PIEZO2: variants seen among roughly 807,000 people sequenced by gnomAD.
PIEZO2 encodes piezo-type mechanosensitive ion channel component 2.
A neutral mutation model predicts 337.3 loss-of-function variants in PIEZO2; 172 were observed. The observed-to-expected ratio is 0.51, with a 90% CI of 0.45 to 0.58. The LOEUF (loss-of-function observed/expected upper bound fraction) is 0.58. Ranked by LOEUF, PIEZO2 falls within the 20% of genes least tolerant of loss-of-function variation. The pLI, the probability that PIEZO2 is intolerant of heterozygous loss-of-function variation, is 0.00. For missense variants in PIEZO2, 3,028 were observed against 3,391.3 expected, an observed-to-expected ratio of 0.89 and a Z score of 2.66; for synonymous variants, 1,251 against 1,228.5, an observed-to-expected ratio of 1.02 and a Z score of -0.38.
Position 10,726,268 on chromosome 18 carries a change from CATGAG to C in PIEZO2, c.5029+5134_5029+5138del. 1 of 817,780 alleles carries C rather than the reference CATGAG, an allele frequency of 1.2e-6. No homozygotes were observed. Among genetic ancestry groups the C allele is most frequent in the Non-Finnish European group, 2.0e-6 (1 of 497,148 alleles). 50.7% of individuals were successfully genotyped at this position (817,780 alleles called of 1,614,324 possible). On this transcript the variant is annotated intron_variant, in intron 36 of 55. Coordinates refer to ENST00000674853, the MANE Select transcript of PIEZO2 (RefSeq NM_001378183.1). This position sits in a 1 kb window ranked among gnomAD's most constrained non-coding sequence, Gnocchi z 5.9. ...TTGTGTGCGAGCCTGTGTTCGGGAG[CATGAG>C]AATGGAAGCGTCGCGGCCAGAGCCC...
At chr18:10,765,108 C>G (rs542569267) in intron 21 of PIEZO2, among the ~76,000 whole-genome samples, 87 of 152,332 alleles carry the variant, frequency 5.7e-4, no homozygotes, top group Non-Finnish European at 1.0e-3. Flanking sequence ...GGTGACACAT[C>G]CCCTGAGGAT....
At chr18:10,838,663 T>C (rs911663881) in intron 7 of PIEZO2, among the ~76,000 whole-genome samples, 1 of 152,228 alleles carries the variant, frequency 6.6e-6, no homozygotes, top group African/African-American at 2.4e-5. Context: ...ATCACAGGCA[T>C]TCTTTCTCTG....
chr18:11,117,283 T>G (rs2039919508), intron 1 of PIEZO2, among the ~76,000 whole-genome samples: 1 of 152,206 alleles, frequency 6.6e-6, no homozygotes, highest in African/African-American at 2.4e-5. Context: ...GTACAATTAT[T>G]ATGTATCAAT....
At chr18:11,036,993 C>T (rs961898843) in intron 2 of PIEZO2, among the ~76,000 whole-genome samples, 5 of 151,918 alleles carry the variant, frequency 3.3e-5, no homozygotes, top group African/African-American at 2.4e-5. Flanking sequence ...TGTGACAGAG[C>T]GAGACTCTGT....
At chr18:10,737,359 AAC>A (rs1423059364) in intron 33 of PIEZO2, among the ~76,000 whole-genome samples, 1 of 152,076 alleles carries the variant, frequency 6.6e-6, no homozygotes, top group East Asian at 1.9e-4. Context: ...AAAACAACAC[AAC>A]ACAACAACAA....
At chr18:11,073,323 C>T (rs1471629653) in intron 1 of PIEZO2, among the ~76,000 whole-genome samples, 1 of 152,162 alleles carries the variant, frequency 6.6e-6, no homozygotes, top group African/African-American at 2.4e-5. Context: ...GAACAGAATA[C>T]AGTAAAAGTA....
At chr18:10,765,355 G>T (rs953241176) in intron 21 of PIEZO2, among the ~76,000 whole-genome samples, 3 of 152,174 alleles carry the variant, frequency 2.0e-5, no homozygotes, top group Non-Finnish European at 4.4e-5. Context: ...AACCCATCCA[G>T]CGTCTTAGAG....
intron 4 of PIEZO2, among the ~76,000 whole-genome samples, chr18:10,898,911 C>T (rs930141635): frequency 6.6e-6 from 1 of 152,176 alleles, no homozygotes; most frequent in African/African-American, 2.4e-5. Context: ...ATTAAGTAAA[C>T]ATACGAAGCC....
At chr18:10,720,329 T>A (rs1463843879) in intron 36 of PIEZO2, among the ~76,000 whole-genome samples, 11 of 134,756 alleles carry the variant, frequency 8.2e-5, no homozygotes, top group East Asian at 2.1e-4. Flanking sequence ...ATATATATAA[T>A]ATATATATCT....
intron 4 of PIEZO2, 92 bp from the exon 5 acceptor site, chr18:10,871,507 G>T (rs1192932403): frequency 9.9e-6 from 12 of 1,214,190 alleles, no homozygotes; most frequent in Non-Finnish European, 1.3e-5. Context: ...TCTTCTTAAT[G>T]ATTTAAAATA....
intron 14 of PIEZO2, among the ~76,000 whole-genome samples, chr18:10,790,040 A>G (rs2039356844): frequency 1.3e-5 from 2 of 152,224 alleles, no homozygotes; most frequent in Admixed American, 6.5e-5. Context: ...AACAACTAGT[A>G]GATTCACAGT....
In PIEZO2 at chr18:10,857,222, G is replaced by A; in HGVS notation, c.493-11C>T. The A allele has an allele frequency of 6.5e-7, 1 of 1,536,372 alleles. No homozygotes were observed. Among genetic ancestry groups the A allele is most frequent in the Non-Finnish European group, 8.7e-7 (1 of 1,146,116 alleles). On this transcript the variant is annotated splice_polypyrimidine_tract_variant and intron_variant, in intron 5 of 55. Transcript: ENST00000674853. ...TTTTTCTCCTTCAGCCTAAATAAATGACAAACAGGAAACACTCAAGTCCAG... is the reference window on the plus strand; with the variant it reads ...TTTTTCTCCTTCAGCCTAAATAAATAACAAACAGGAAACACTCAAGTCCAG...
In PIEZO2 at chr18:11,133,633, C is replaced by G. The variant is rs368916115; in HGVS notation, c.64+14892G>C. ...GGAGAGATGGGCCTAACTTCCCAGT[C>G]TATATCTTTGTCCTGTGCTGGATCC... On this transcript the variant is annotated intron_variant, in intron 1 of 55. Coordinates refer to ENST00000674853, the MANE Select transcript of PIEZO2 (RefSeq NM_001378183.1). Among the ~76,000 whole-genome samples, 6 of 152,114 alleles carry G rather than the reference C, an allele frequency of 3.9e-5. No individual in the cohort carries two copies. In the East Asian group the frequency reaches 7.7e-4, roughly 20 times the overall value.
At chr18:10,778,684 G>A (rs1275304502) in intron 18 of PIEZO2, among the ~76,000 whole-genome samples, 2 of 152,202 alleles carry the variant, frequency 1.3e-5, no homozygotes, top group Non-Finnish European at 2.9e-5. Flanking sequence ...GATTTCACTG[G>A]AAAGAAGGTA....
At chr18:10,787,618 C>T (rs2039269414) in intron 15 of PIEZO2, among the ~76,000 whole-genome samples, 1 of 152,158 alleles carries the variant, frequency 6.6e-6, no homozygotes, top group Non-Finnish European at 1.5e-5. Flanking sequence ...TGTGAACCAA[C>T]CACAGAAAAA....
rs1318088910 is a variant in PIEZO2, at chr18:10,834,929, G to C, written c.917+20424C>G. Among the ~76,000 whole-genome samples, 1 of 152,160 alleles carries C rather than the reference G, an allele frequency of 6.6e-6. No homozygotes were observed. The highest frequency in any genetic ancestry group is 2.4e-5 in the African/African-American group (1 of 41,440). On this transcript the variant is annotated intron_variant, in intron 7 of 55. Transcript: ENST00000674853. This position sits in a 1 kb window ranked among gnomAD's most constrained non-coding sequence, Gnocchi z 4.5. ...TGTCCTCCAAAATTCTTAGGTTGAA[G>C]CCAAACTCCCCATGTGAAGGTATTA...
intron 41 of PIEZO2, 108 bp downstream of exon 41, chr18:10,705,228 C>T: frequency 1.5e-6 from 2 of 1,337,600 alleles, no homozygotes; most frequent in Non-Finnish European, 2.0e-6. Flanking sequence ...CTCTAAGTGT[C>T]CAGATGAACT....
chr18:10,818,485 T>G (rs1270472786), intron 7 of PIEZO2, among the ~76,000 whole-genome samples: 4 of 152,206 alleles, frequency 2.6e-5, no homozygotes, highest in African/African-American at 7.2e-5. Flanking sequence ...TTACTCTAGA[T>G]GAATTCGAGC....
chr18:11,138,492 C>T (rs2040551591), intron 1 of PIEZO2, among the ~76,000 whole-genome samples: 2 of 152,032 alleles, frequency 1.3e-5, no homozygotes, highest in Admixed American at 1.3e-4. Flanking sequence ...ACGAGGTTTC[C>T]CCATGTTGCC....
Sources: allele counts gnomAD v4.1 joint callset (sites outside exome capture counted in the v4.1 genomes callset), GRCh38; gene constraint gnomAD v4.1.1; non-coding constraint Gnocchi (gnomAD v3.1); transcripts MANE v1.5; gene names NCBI Gene and HGNC (gene_info 2026-07-23, HGNC 2026-07-21).